The following FBXL17 variants were observed in gnomAD, a reference collection of about 807,000 sequenced individuals.
FBXL17 encodes F-box and leucine rich repeat protein 17.
FBXL17 carries 22 observed loss-of-function variants against 66.2 expected under a neutral mutation model. That is an observed-to-expected ratio of 0.33 (90% CI 0.24 to 0.47). The LOEUF is 0.47. Among genes scored for constraint, FBXL17 ranks in the 20% least tolerant of loss-of-function variants. The pLI, the probability that FBXL17 is intolerant of heterozygous loss-of-function variation, is 1.00. For missense variants in FBXL17, 878 were observed against 948.2 expected, an observed-to-expected ratio of 0.93 and a Z score of 0.97; for synonymous variants, 474 against 400.5, an observed-to-expected ratio of 1.18 and a Z score of -2.19.
At chr5:108,274,642 G>C (rs987867886) in intron 4 of FBXL17, among the ~76,000 whole-genome samples, 3 of 152,188 alleles carry the variant, frequency 2.0e-5, no homozygotes, top group African/African-American at 7.2e-5. Context: ...CAAGGGTATT[G>C]ACTGGGGAAG....
chr5:107,950,874 T>C (rs944505221), intron 7 of FBXL17, among the ~76,000 whole-genome samples: 13 of 152,202 alleles, frequency 8.5e-5, no homozygotes, highest in Admixed American at 7.2e-4. Flanking sequence ...CACGAACTAA[T>C]AACAACATCA....
intron 6 of FBXL17, among the ~76,000 whole-genome samples, chr5:108,144,467 T>C (rs115514070): frequency 0.011 from 1,700 of 152,230 alleles, 44 homozygotes; most frequent in African/African-American, 0.038. Flanking sequence ...AAAAATCTGA[T>C]ATAAAAACAA....
intron 6 of FBXL17, among the ~76,000 whole-genome samples, chr5:108,113,390 TA>T (rs573858857): frequency 1.3e-4 from 20 of 152,110 alleles, no homozygotes; most frequent in Non-Finnish European, 2.6e-4. Context: ...TGTATATATT[TA>T]AAAAAACAAT....
chr5:108,168,635 C>T (rs1455985723), intron 6 of FBXL17, among the ~76,000 whole-genome samples: 2 of 152,094 alleles, frequency 1.3e-5, no homozygotes, highest in African/African-American at 4.8e-5. Flanking sequence ...TCTCCCAACA[C>T]CTAGCTGAAG....
chr5:108,067,495 AAGTC>A (rs1284557488), intron 6 of FBXL17, among the ~76,000 whole-genome samples: 1 of 152,146 alleles, frequency 6.6e-6, no homozygotes, highest in Non-Finnish European at 1.5e-5. Flanking sequence ...ATTTACTAGA[AAGTC>A]AGTTTCTATA....
intron 7 of FBXL17, among the ~76,000 whole-genome samples, chr5:108,001,467 C>T (rs1009617741): frequency 3.9e-5 from 6 of 151,944 alleles, no homozygotes; most frequent in African/African-American, 1.5e-4. Flanking sequence ...ATTTATTTGG[C>T]TGAAAATGCA....
chr5:108,181,497 A>C (rs1219089862), intron 6 of FBXL17, among the ~76,000 whole-genome samples: 1 of 152,226 alleles, frequency 6.6e-6, no homozygotes. Flanking sequence ...AGATCAATTC[A>C]AGGACCAGAA....
intron 7 of FBXL17, among the ~76,000 whole-genome samples, chr5:107,895,282 C>G (rs1487999445): frequency 6.6e-6 from 1 of 151,918 alleles, no homozygotes; most frequent in South Asian, 2.1e-4. Flanking sequence ...ACCCTCATGC[C>G]TGGGAAGGAA....
chr5:108,169,713 C>T (rs74993634), intron 6 of FBXL17, among the ~76,000 whole-genome samples: 1,554 of 152,172 alleles, frequency 0.01, 22 homozygotes, highest in African/African-American at 0.031. Context: ...TTTTAAGGGC[C>T]GTGTCTACCC....
At chr5:108,008,742 T>G (rs778632361) in intron 7 of FBXL17, among the ~76,000 whole-genome samples, 2 of 152,086 alleles carry the variant, frequency 1.3e-5, no homozygotes, top group Non-Finnish European at 2.9e-5. Context: ...TACAAGTGCC[T>G]GCTCCTCAGA....
chr5:108,325,591 G>T (rs556940838), intron 4 of FBXL17, among the ~76,000 whole-genome samples: 128 of 152,198 alleles, frequency 8.4e-4, no homozygotes, highest in African/African-American at 3.0e-3. Flanking sequence ...TATTAACATA[G>T]CAGGTCCCAC....
At chr5:108,060,029 A>C (rs997463971) in intron 6 of FBXL17, among the ~76,000 whole-genome samples, 10 of 150,546 alleles carry the variant, frequency 6.6e-5, no homozygotes, top group African/African-American at 2.4e-4. Context: ...CTGAATATAT[A>C]TATTTACATA....
At chr5:108,146,194 T>C (rs1751551459) in intron 6 of FBXL17, among the ~76,000 whole-genome samples, 1 of 149,956 alleles carries the variant, frequency 6.7e-6, no homozygotes, top group Admixed American at 6.7e-5. Flanking sequence ...ATGGCACCAC[T>C]GCACTCCAGC....
intron 6 of FBXL17, among the ~76,000 whole-genome samples, chr5:108,156,375 GA>G (rs1176942445): frequency 2.0e-5 from 3 of 151,666 alleles, no homozygotes; most frequent in Admixed American, 6.6e-5. Context: ...CTCAACATAG[GA>G]AAAAAATCAA....
intron 6 of FBXL17, among the ~76,000 whole-genome samples, chr5:108,124,648 T>G (rs907936266): frequency 1.3e-5 from 2 of 152,068 alleles, no homozygotes; most frequent in African/African-American, 4.8e-5. Flanking sequence ...CAAATACCTG[T>G]ACATTGAAAA....
chr5:108,243,668 C>T (rs1274810196), intron 4 of FBXL17, among the ~76,000 whole-genome samples: 1 of 152,078 alleles, frequency 6.6e-6, no homozygotes, highest in Non-Finnish European at 1.5e-5. Context: ...AACTGTATTT[C>T]ATTTCTAAAT....
chr5:108,381,242 G>T lies in FBXL17; in HGVS notation c.450C>A (p.Ala150=). The change falls in exon 1 of 9, where the codon GCC becomes GCA. Residue 150 remains alanine, a synonymous_variant. Coordinates refer to ENST00000542267, the MANE Select transcript of FBXL17 (RefSeq NM_001163315.3). ...GACTTCGGCCCTGCTGCTCCCAGGC[G>T]GCGGCCGCAGCCAGCCCCAACTCTT... The part of the protein sequence containing the change: ...CCKELGLAAA[A]AWEQQGRSLF... 1.4e-6 allele frequency: 2 copies of T among 1,444,242 alleles called. No homozygotes were observed. The highest frequency in any genetic ancestry group is 1.3e-5 in the South Asian group (1 of 74,272). The allele number at this position is 1,444,242 out of a possible 1,614,324, so 89.5% of individuals were successfully genotyped here.
chr5:108,005,303 G>C (rs780333815), intron 7 of FBXL17, among the ~76,000 whole-genome samples: 8 of 152,106 alleles, frequency 5.3e-5, no homozygotes, highest in Non-Finnish European at 1.2e-4. Context: ...GGACTGGCTG[G>C]TCCAGAGGCT....
At chr5:108,156,743 T>G (rs1441582422) in intron 6 of FBXL17, among the ~76,000 whole-genome samples, 1 of 151,958 alleles carries the variant, frequency 6.6e-6, no homozygotes, top group Non-Finnish European at 1.5e-5. Context: ...CCTTGAAATA[T>G]ATTTTTAGTT....
Sources: allele counts gnomAD v4.1 joint callset (sites outside exome capture counted in the v4.1 genomes callset), GRCh38; gene constraint gnomAD v4.1.1; transcripts MANE v1.5; gene names NCBI Gene and HGNC (gene_info 2026-07-23, HGNC 2026-07-21).